SGCD: variants seen among roughly 807,000 people sequenced by gnomAD.
SGCD encodes the protein delta-sarcoglycan.
In SGCD, 18 loss-of-function variants were observed where a neutral mutation model predicts 36.6. That is an observed-to-expected ratio of 0.49 (90% CI 0.34 to 0.73). SGCD has a LOEUF of 0.73. Ranked by LOEUF, SGCD falls within the 30% of genes least tolerant of loss-of-function variation. SGCD has a pLI of 0.01. For synonymous variants in SGCD, 133 were observed against 130.6 expected, an observed-to-expected ratio of 1.02 and a Z score of -0.12; for missense variants, 387 against 346.7, an observed-to-expected ratio of 1.12 and a Z score of -0.92.
intron 1 of SGCD, among the ~76,000 whole-genome samples, chr5:156,007,726 C>T (rs1334270711): frequency 6.6e-6 from 1 of 152,102 alleles, no homozygotes; most frequent in African/African-American, 2.4e-5. Flanking sequence ...GCTAGTAAAC[C>T]CAAAGTCTAA....
At chr5:155,741,786 G>A in the SGCD span, among the ~76,000 whole-genome samples, 1 of 151,284 alleles carries the variant, frequency 6.6e-6, no homozygotes, top group Non-Finnish European at 1.5e-5. Context: ...TCTGCCTCCT[G>A]GGTACAAGCA....
chr5:156,070,109 G>C (rs376641501), intron 1 of SGCD, among the ~76,000 whole-genome samples: 2,208 of 140,272 alleles, frequency 0.016, 67 homozygotes, highest in African/African-American at 0.066. Context: ...TTTCCTAATT[G>C]GATACCCTTT....
At chr5:156,375,957 A>G (rs529469813) in intron 3 of SGCD, among the ~76,000 whole-genome samples, 1 of 152,228 alleles carries the variant, frequency 6.6e-6, no homozygotes, top group African/African-American at 2.4e-5. Flanking sequence ...AATGACTGAC[A>G]TTTTATGACA....
chr5:156,711,594 T>C (rs971635348), intron 7 of SGCD, among the ~76,000 whole-genome samples: 4 of 152,322 alleles, frequency 2.6e-5, no homozygotes, highest in South Asian at 2.1e-4. Context: ...CAGGGAAAGG[T>C]TGACCCCAGG....
the SGCD span, among the ~76,000 whole-genome samples, chr5:155,837,910 G>A: frequency 4.6e-5 from 7 of 152,052 alleles, 1 homozygote; most frequent in East Asian, 1.9e-4. Context: ...CCTGCTGAGC[G>A]CCAAGTTTCA....
intron 3 of SGCD, among the ~76,000 whole-genome samples, chr5:156,130,653 A>G (rs1762299766): frequency 6.6e-6 from 1 of 152,194 alleles, no homozygotes; most frequent in Non-Finnish European, 1.5e-5. Context: ...TGAAGAGGCT[A>G]CCAGAAAAGC....
chr5:156,529,198 G>A (rs556165081), intron 4 of SGCD, among the ~76,000 whole-genome samples: 9 of 152,170 alleles, frequency 5.9e-5, no homozygotes, highest in Admixed American at 2.0e-4. Context: ...AGGCTGAGGA[G>A]GGTGGATAAC....
intron 1 of SGCD, among the ~76,000 whole-genome samples, chr5:155,899,907 A>C (rs1283484114): frequency 6.6e-6 from 1 of 152,214 alleles, no homozygotes; most frequent in African/African-American, 2.4e-5. Context: ...GATTATCCAA[A>C]AAGTCCTAAT....
At chr5:156,099,339 T>C (rs1479245020) in intron 1 of SGCD, among the ~76,000 whole-genome samples, 1 of 152,224 alleles carries the variant, frequency 6.6e-6, no homozygotes, top group African/African-American at 2.4e-5. Context: ...CAGATTCCTC[T>C]ACCCAAATGC....
chr5:156,118,554 A>T (rs41084), intron 2 of SGCD, among the ~76,000 whole-genome samples: 67,464 of 151,980 alleles, frequency 0.44, 15,715 homozygotes, highest in African/African-American at 0.58. Flanking sequence ...ACACCAGCAA[A>T]GCCCAACCCA....
upstream of SGCD, among the ~76,000 whole-genome samples, chr5:155,865,498 G>T (rs977943673): frequency 1.3e-5 from 2 of 152,084 alleles, no homozygotes; most frequent in African/African-American, 4.8e-5. Context: ...GTTGTCTTTT[G>T]ATATTAAGTT....
intron 6 of SGCD, among the ~76,000 whole-genome samples, chr5:156,603,354 A>T (rs1419308714): frequency 6.6e-6 from 1 of 151,814 alleles, no homozygotes; most frequent in Non-Finnish European, 1.5e-5. Flanking sequence ...AATATTTGTC[A>T]ATTTTGTTTA....
rs569851747 is a variant in SGCD at position 156,268,277 on chromosome 5, A to C, written c.-43-61257A>C. ...TGATTCCATGTCTTTGCTATTGTGAATAGTTCTGCAGTGAACATTTGTGTG... is the reference window on the plus strand; with the variant it reads ...TGATTCCATGTCTTTGCTATTGTGACTAGTTCTGCAGTGAACATTTGTGTG... On this transcript the variant is annotated intron_variant, in intron 3 of 9. Transcript: ENST00000517913. Among the ~76,000 whole-genome samples the C allele has an allele frequency of 6.6e-5, 10 of 152,296 alleles. No homozygotes were observed. The South Asian group carries it at 1.9e-3, about 28-fold the overall frequency.
chr5:156,456,618 T>G (rs1330684023), intron 3 of SGCD, among the ~76,000 whole-genome samples: 1 of 152,150 alleles, frequency 6.6e-6, no homozygotes, highest in Non-Finnish European at 1.5e-5. Context: ...AATTGAGGAA[T>G]GAATTGTTAA....
At chr5:156,596,654 G>T (rs1225948318) in intron 6 of SGCD, among the ~76,000 whole-genome samples, 1 of 151,820 alleles carries the variant, frequency 6.6e-6, no homozygotes, top group Non-Finnish European at 1.5e-5. Flanking sequence ...AGCTTGTCTG[G>T]TCTATTTCTC....
intron 3 of SGCD, among the ~76,000 whole-genome samples, chr5:156,443,370 G>A (rs1417949506): frequency 2.6e-5 from 4 of 152,114 alleles, no homozygotes; most frequent in Non-Finnish European, 4.4e-5. Context: ...ACTCTTGATA[G>A]CAGACACAGG....
At chr5:156,532,899 G>A (rs1000590541) in intron 4 of SGCD, among the ~76,000 whole-genome samples, 1 of 152,066 alleles carries the variant, frequency 6.6e-6, no homozygotes, top group African/African-American at 2.4e-5. Flanking sequence ...ACCTTATGAA[G>A]GCTCTATCAC....
At chr5:155,971,634 G>A (rs973974056) in intron 1 of SGCD, among the ~76,000 whole-genome samples, 1 of 152,052 alleles carries the variant, frequency 6.6e-6, no homozygotes, top group Non-Finnish European at 1.5e-5. Flanking sequence ...TTGAGATACG[G>A]GGTCAGGGGG....
At chr5:156,588,920 T>C (rs78587099) in intron 4 of SGCD, among the ~76,000 whole-genome samples, 4,206 of 152,140 alleles carry the variant, frequency 0.028, 83 homozygotes, top group Middle Eastern at 0.044. Flanking sequence ...TAAGATCTAA[T>C]GGGCTTTGTG....
Sources: gnomAD v4.1 joint callset for allele counts (sites outside exome capture counted in the v4.1 genomes callset) on GRCh38, gnomAD v4.1.1 for gene constraint, MANE v1.5 for transcripts, NCBI Gene and HGNC (gene_info 2026-07-23, HGNC 2026-07-21) for gene names.